UNC13B: variants seen among roughly 807,000 people sequenced by gnomAD.
UNC13B encodes protein unc-13 homolog B.
UNC13B carries 144 observed loss-of-function variants against 211.0 expected under a neutral mutation model. The ratio of observed to expected loss-of-function variants is 0.68; its 90% CI spans 0.60 to 0.78. UNC13B has a LOEUF of 0.78. Ranked by LOEUF, UNC13B falls within the 30% of genes least tolerant of loss-of-function variation. The pLI is 0.00. For synonymous variants in UNC13B, 709 were observed against 725.8 expected, an observed-to-expected ratio of 0.98 and a Z score of 0.37; for missense variants, 1,777 against 2,002.0, an observed-to-expected ratio of 0.89 and a Z score of 2.14.
At chr9:35,332,789 A>C (rs2131973728) in intron 11 of UNC13B, among the ~76,000 whole-genome samples, 1 of 152,336 alleles carries the variant, frequency 6.6e-6, no homozygotes, top group African/African-American at 2.4e-5. Flanking sequence ...TTAGAGTCTC[A>C]TCTTTTATCT....
intron 36 of UNC13B, 73 bp downstream of exon 36, chr9:35,399,802 C>G (rs1048731053): frequency 2.8e-6 from 4 of 1,451,352 alleles, no homozygotes; most frequent in Non-Finnish European, 3.9e-6. Flanking sequence ...CTCTCCCAGA[C>G]CAGGTGTCCC....
chr9:35,382,834 G>A (rs1448443386), intron 21 of UNC13B, among the ~76,000 whole-genome samples: 2 of 152,156 alleles, frequency 1.3e-5, no homozygotes, highest in African/African-American at 2.4e-5. Context: ...AAAGGGCTGG[G>A]ATTACAGGCT....
intron 8 of UNC13B, among the ~76,000 whole-genome samples, chr9:35,298,018 C>T (rs768937364): frequency 3.3e-5 from 5 of 152,186 alleles, no homozygotes; most frequent in African/African-American, 4.8e-5. Flanking sequence ...GTCTTTTACT[C>T]AATGATATTA....
chr9:35,274,289 G>A (rs1828050389), intron 7 of UNC13B, among the ~76,000 whole-genome samples: 1 of 151,972 alleles, frequency 6.6e-6, no homozygotes, highest in South Asian at 2.1e-4. Context: ...GCCCAGGCTG[G>A]TCTCAAACTC....
At position 35,398,536 on chromosome 9, in the gene UNC13B, T is replaced by C. The variant is rs1402088389; in HGVS notation, c.11833-18T>C. The C allele has an allele frequency of 6.2e-7, 1 of 1,613,006 alleles. No individual in the cohort carries two copies. The highest frequency in any genetic ancestry group is 1.7e-5 in the Admixed American group (1 of 59,990). On this transcript the variant is annotated intron_variant, in intron 31 of 39. Transcript: ENST00000635942. Reference sequence around the variant, plus strand: ...GTAAGAAAAGCAGCCTAGCCAGGCTTACCTCCTGTGAATACAGCTGGACCT... The same window carrying C: ...GTAAGAAAAGCAGCCTAGCCAGGCTCACCTCCTGTGAATACAGCTGGACCT...
intron 8 of UNC13B, 105 bp from the exon 9 acceptor site, chr9:35,300,061 C>G (rs1587571051): frequency 7.6e-6 from 3 of 397,102 alleles, no homozygotes; most frequent in Admixed American, 4.4e-5. Flanking sequence ...AATACTACAG[C>G]CAACAAAAAC....
intron 7 of UNC13B, among the ~76,000 whole-genome samples, chr9:35,293,889 T>C (rs1829216739): frequency 6.6e-6 from 1 of 152,182 alleles, no homozygotes; most frequent in Non-Finnish European, 1.5e-5. Context: ...TTGATATTTT[T>C]CCTCCCGGAG....
At chr9:35,162,372 A>G (rs906315785) in intron 1 of UNC13B, 67 bp downstream of exon 1, 2 of 1,465,544 alleles carry the variant, frequency 1.4e-6, no homozygotes, top group African/African-American at 2.9e-5. Flanking sequence ...CTTCCAGTGG[A>G]CGTCCGGTGA....
chr9:35,380,740 C>T, intron 18 of UNC13B, 101 bp downstream of exon 18: 2 of 1,465,378 alleles, frequency 1.4e-6, no homozygotes, highest in East Asian at 2.3e-5. Flanking sequence ...CCAAAGCATA[C>T]CTCTATACAG....
intron 11 of UNC13B, among the ~76,000 whole-genome samples, chr9:35,334,064 C>T (rs1831516997): frequency 6.6e-6 from 1 of 151,828 alleles, no homozygotes; most frequent in Non-Finnish European, 1.5e-5. Flanking sequence ...CTCCCTGGTT[C>T]AAGTGATTCT....
intron 7 of UNC13B, among the ~76,000 whole-genome samples, chr9:35,261,192 C>T (rs1463529128): frequency 1.3e-5 from 2 of 152,126 alleles, no homozygotes; most frequent in Non-Finnish European, 1.5e-5. Flanking sequence ...CCCTCATCCC[C>T]CTCTTATTTT....
rs553146361 is a variant in UNC13B at position 35,183,484 on chromosome 9, C to T, written c.22+21179C>T. Reference sequence around the variant, plus strand: ...CCCAGGCAGGGCGGCCGGGCAGAGGCGCTCCTCACCTCCCAGACGGGGCGG... The same window carrying T: ...CCCAGGCAGGGCGGCCGGGCAGAGGTGCTCCTCACCTCCCAGACGGGGCGG... On this transcript the variant is annotated intron_variant, in intron 1 of 39. Coordinates refer to ENST00000635942, the MANE Select transcript of UNC13B (RefSeq NM_001371189.2). Among the ~76,000 whole-genome samples the T allele has an allele frequency of 2.4e-5, 3 of 123,714 alleles. 1 individual carries two copies. Among genetic ancestry groups the T allele is most frequent in the Non-Finnish European group, 3.4e-5 (2 of 59,306 alleles). 81.2% of individuals were successfully genotyped at this position (123,714 alleles called of 152,430 possible).
At chr9:35,264,536 GAAGA>G (rs1827460766) in intron 7 of UNC13B, among the ~76,000 whole-genome samples, 1 of 152,166 alleles carries the variant, frequency 6.6e-6, no homozygotes, top group South Asian at 2.1e-4. Context: ...AGAAATGAAT[GAAGA>G]AAGACTGTTG....
chr9:35,379,398 A>G (rs1834665897), intron 17 of UNC13B, among the ~76,000 whole-genome samples: 2 of 152,124 alleles, frequency 1.3e-5, no homozygotes, highest in African/African-American at 4.8e-5. Context: ...GCAGTGCACC[A>G]AGATCATGCC....
intron 1 of UNC13B, among the ~76,000 whole-genome samples, chr9:35,208,831 A>C (rs904209938): frequency 2.0e-5 from 3 of 152,122 alleles, no homozygotes; most frequent in African/African-American, 7.2e-5. Flanking sequence ...AATCGAAACC[A>C]TATCACTCTG....
intron 7 of UNC13B, among the ~76,000 whole-genome samples, chr9:35,281,677 T>A (rs1191422768): frequency 6.6e-6 from 1 of 152,208 alleles, no homozygotes; most frequent in Admixed American, 6.5e-5. Context: ...TTGACAAATG[T>A]GTGATGACAC....
At chr9:35,174,373 T>C (rs1821502409) in intron 1 of UNC13B, among the ~76,000 whole-genome samples, 1 of 151,730 alleles carries the variant, frequency 6.6e-6, no homozygotes, top group Non-Finnish European at 1.5e-5. Context: ...TCCTCCAGGC[T>C]GTAGTGCAGA....
At chr9:35,170,515 C>T (rs202075847) in intron 1 of UNC13B, among the ~76,000 whole-genome samples, 2 of 151,996 alleles carry the variant, frequency 1.3e-5, no homozygotes, top group East Asian at 3.9e-4. Context: ...GTTGCCCAGG[C>T]TGGAGTGCAA....
intron 1 of UNC13B, among the ~76,000 whole-genome samples, chr9:35,178,028 T>G (rs1047106954): frequency 6.6e-6 from 1 of 152,110 alleles, no homozygotes; most frequent in South Asian, 2.1e-4. Context: ...GTCCACGTGT[T>G]AAGGTTGGAA....
Sources: gnomAD v4.1 joint callset for allele counts (sites outside exome capture counted in the v4.1 genomes callset) on GRCh38, gnomAD v4.1.1 for gene constraint, MANE v1.5 for transcripts, NCBI Gene and HGNC (gene_info 2026-07-23, HGNC 2026-07-21) for gene names.